The following CTXN2 variants were observed in gnomAD, a reference collection of about 807,000 sequenced individuals.
CTXN2 encodes cortexin 2.
In CTXN2, 3 loss-of-function variants were observed where a neutral mutation model predicts 5.7. The observed-to-expected ratio is 0.53, with a 90% CI of 0.24 to 1.36. The LOEUF is 1.36. Ranked by LOEUF, CTXN2 falls within the 40% of genes most tolerant of loss-of-function variation. The probability of loss-of-function intolerance (pLI) is 0.17; values close to 1 mark genes in which losing one functional copy is unlikely to be tolerated. For synonymous variants in CTXN2, 38 were observed against 36.4 expected (o/e 1.04, Z -0.16); for missense variants, 87 against 93.0 (o/e 0.94, Z 0.26).
In CTXN2 at chr15:48,191,775, C is replaced by G. The variant is rs1176662417; in HGVS notation, c.-136C>G. 2 of 456,018 alleles carry G rather than the reference C, an allele frequency of 4.4e-6. No homozygotes were observed. The highest frequency in any genetic ancestry group is 3.1e-5 in the South Asian group (2 of 64,554). The allele number at this position is 456,018 out of a possible 1,614,324, so 28.2% of individuals were successfully genotyped here. The stretch of plus-strand genomic sequence containing the variant: ...ACGCCTTCTACATTTGTTACTGAAC[C>G]GATCAGCGAACACAGACAAACGTGC... On this transcript the variant is annotated 5_prime_UTR_variant, in exon 1 of 2. Transcript: ENST00000417307.
chr15:48,188,227 A>T (rs1424963242), upstream of CTXN2, among the ~76,000 whole-genome samples: 1 of 12,620 alleles, frequency 7.9e-5, no homozygotes, highest in Admixed American at 6.3e-3. Flanking sequence ...AAGGTGATTA[A>T]AAAAAAAGAA....
rs1264177476 is a variant in CTXN2 at position 48,191,720 on chromosome 15, G to A, written c.-191G>A. ...TCTAGGCCAGGAAAGCGCTAACCAGGGCCCTGTGACTCTACGCAGGTTCCA... is the reference window on the plus strand; with the variant it reads ...TCTAGGCCAGGAAAGCGCTAACCAGAGCCCTGTGACTCTACGCAGGTTCCA... On this transcript the variant is annotated 5_prime_UTR_variant, in exon 1 of 2. Transcript: ENST00000417307. 1 of 455,954 alleles carries A rather than the reference G, an allele frequency of 2.2e-6. No homozygotes were observed. The highest frequency in any genetic ancestry group is 1.5e-5 in the South Asian group (1 of 64,544). 28.2% of individuals were successfully genotyped at this position (455,954 alleles called of 1,614,324 possible). A position where few individuals can be genotyped will look rare whatever the true frequency, so the allele number is the denominator to read the frequency against.
chr15:48,185,785 A>T (rs946387660), intron 1 of CTXN2, among the ~76,000 whole-genome samples: 1 of 152,152 alleles, frequency 6.6e-6, no homozygotes, highest in Non-Finnish European at 1.5e-5. Context: ...GCCAAGAGGA[A>T]AAAGGAGGAG....
upstream of CTXN2, chr15:48,188,968 T>A (rs1165354436): frequency 6.6e-6 from 1 of 152,204 alleles, no homozygotes; most frequent in Non-Finnish European, 1.5e-5. Flanking sequence ...TTGCCACGTA[T>A]CTCCTCGAGG....
intron 1 of CTXN2, among the ~76,000 whole-genome samples, chr15:48,184,750 G>A (rs2040731790): frequency 6.6e-6 from 1 of 152,090 alleles, no homozygotes; most frequent in African/African-American, 2.4e-5. Flanking sequence ...TTCTTACACA[G>A]CTAAATATAG....
Position 48,192,045 on chromosome 15 carries a change from C to T in CTXN2, c.-58+192C>T, listed in dbSNP as rs577830627. On this transcript the variant is annotated intron_variant, in intron 1 of 1. Transcript: ENST00000417307. ...AGTTCAAATTCTAAAGGAGAAACAG[C>T]ACCCCTAATGCTAGCGCCACTGCTG... The T allele has an allele frequency of 1.5e-3, 515 of 338,090 alleles. 2 individuals carry two copies. Among genetic ancestry groups the T allele is most frequent in the African/African-American group, 0.01 (488 of 46,546 alleles). The allele number at this position is 338,090 out of a possible 1,614,324, so 20.9% of individuals were successfully genotyped here. A position where few individuals can be genotyped will look rare whatever the true frequency, so the allele number is the denominator to read the frequency against.
Position 48,203,445 on chromosome 15 carries a change from C to T in CTXN2, c.*1899C>T, listed in dbSNP as rs2040943429. 1 of 166,992 alleles carries T rather than the reference C, an allele frequency of 6.0e-6. No individual in the cohort carries two copies. 10.3% of individuals were successfully genotyped at this position (166,992 alleles called of 1,614,324 possible). ...CTTGGCCCAAGAACAGGCCACTGGG[C>T]CAAGTTCAACTGAACATACTGAAAA... is the stretch of plus-strand genomic sequence containing the variant. On this transcript the variant is annotated 3_prime_UTR_variant, in exon 2 of 2. Coordinates refer to ENST00000417307, the MANE Select transcript of CTXN2 (RefSeq NM_001145668.2).
At position 48,202,999 on chromosome 15, in the gene CTXN2, T is replaced by C. The variant is rs1055479365; in HGVS notation, c.*1453T>C. 1 of 166,814 alleles carries C rather than the reference T, an allele frequency of 6.0e-6. No individual in the cohort carries two copies. The highest frequency in any genetic ancestry group is 2.4e-5 in the African/African-American group (1 of 41,462). The allele number at this position is 166,814 out of a possible 1,614,324, so 10.3% of individuals were successfully genotyped here. On this transcript the variant is annotated 3_prime_UTR_variant, in exon 2 of 2. Transcript: ENST00000417307. ...TAGCACTAAGTTAGTTACTTTCAAT[T>C]TATTTGATACTCTTATAAATTCTTT... is the stretch of plus-strand genomic sequence containing the variant.
chr15:48,191,133 A>C (rs2040816410), upstream of CTXN2: 1 of 152,528 alleles, frequency 6.6e-6, no homozygotes, highest in African/African-American at 2.4e-5. Flanking sequence ...AAAGAACTCC[A>C]AACGACACAT....
At chr15:48,182,541 T>G (rs1485394116) in intron 1 of CTXN2, among the ~76,000 whole-genome samples, 2 of 152,218 alleles carry the variant, frequency 1.3e-5, no homozygotes, top group East Asian at 3.8e-4. Context: ...TTTTTCATGG[T>G]GTATTGCAAA....
chr15:48,201,325 T>A lies in CTXN2; in HGVS notation c.25T>A (p.Ser9Thr). 4 of 1,551,330 alleles carry A rather than the reference T, an allele frequency of 2.6e-6. No individual in the cohort carries two copies. Among genetic ancestry groups the A allele is most frequent in the Non-Finnish European group, 3.5e-6 (4 of 1,146,686 alleles). The change falls in exon 2 of 2, where the codon TCT (serine) becomes ACT (threonine). Residue 9 changes from serine (S) to threonine (T), a missense_variant. Coordinates refer to ENST00000417307, the MANE Select transcript of CTXN2 (RefSeq NM_001145668.2). MSSTYCGN[S>T]SAKMSVNEVS... ...AATGAGTAGTACCTACTGTGGCAAC[T>A]CTTCAGCTAAGATGAGTGTCAACGA...
Position 48,202,666 on chromosome 15 carries a change from G to A in CTXN2, c.*1120G>A, listed in dbSNP as rs1052620469. ...AAAGCATTTTGTAAACCATAAAACA[G>A]TATCTAAACATACCTTGCTATCAAT... On this transcript the variant is annotated 3_prime_UTR_variant, in exon 2 of 2. Transcript: ENST00000417307. 1.2e-5 allele frequency: 2 copies of A among 166,966 alleles called. No individual in the cohort carries two copies. Among genetic ancestry groups the A allele is most frequent in the South Asian group, 2.1e-4 (1 of 4,828 alleles). 10.3% of individuals were successfully genotyped at this position (166,966 alleles called of 1,614,324 possible).
chr15:48,184,183 C>T (rs1027651361), intron 1 of CTXN2, among the ~76,000 whole-genome samples: 6 of 152,136 alleles, frequency 3.9e-5, no homozygotes, highest in Admixed American at 3.3e-4. Flanking sequence ...AAGAAGGCCC[C>T]TCCTTAGTTC....
At chr15:48,189,027 A>G (rs186928980), upstream of CTXN2, 1 of 152,322 alleles carries the variant, frequency 6.6e-6, no homozygotes, top group Non-Finnish European at 1.5e-5. Flanking sequence ...CTAGCAAAGA[A>G]AGTGGAACCT....
chr15:48,184,968 A>G, intron 1 of CTXN2, among the ~76,000 whole-genome samples: 1 of 152,214 alleles, frequency 6.6e-6, no homozygotes, highest in Non-Finnish European at 1.5e-5. Context: ...TGAACAATAA[A>G]AAATAAATGA....
chr15:48,191,724 C>A lies in CTXN2; in HGVS notation c.-187C>A, dbSNP rs1323212304. 6.6e-6 allele frequency: 3 copies of A among 456,062 alleles called. No homozygotes were observed. The East Asian group carries it at 2.1e-4, about 32-fold the overall frequency. The allele number at this position is 456,062 out of a possible 1,614,324, so 28.3% of individuals were successfully genotyped here. A position where few individuals can be genotyped will look rare whatever the true frequency, so the allele number is the denominator to read the frequency against. On this transcript the variant is annotated 5_prime_UTR_variant, in exon 1 of 2. It adds an upstream start codon to the 5' untranslated region. Transcript: ENST00000417307. ...GGCCAGGAAAGCGCTAACCAGGGCC[C>A]TGTGACTCTACGCAGGTTCCAGAAC...
intron 1 of CTXN2, among the ~76,000 whole-genome samples, chr15:48,186,250 A>G (rs1388202209): frequency 3.3e-5 from 5 of 152,238 alleles, no homozygotes. Flanking sequence ...TTTAAATAGA[A>G]CACTCTGAAC....
At chr15:48,196,040 C>T (rs2040876207) in intron 1 of CTXN2, among the ~76,000 whole-genome samples, 1 of 152,082 alleles carries the variant, frequency 6.6e-6, no homozygotes, top group African/African-American at 2.4e-5. Context: ...TGCAGTGTTA[C>T]TTTATATGTG....
chr15:48,186,902 T>G (rs1463684827), upstream of CTXN2, among the ~76,000 whole-genome samples: 1 of 121,582 alleles, frequency 8.2e-6, no homozygotes, highest in Non-Finnish European at 1.6e-5. Flanking sequence ...AGAGGGAGAC[T>G]CCATCTCAAA....
Sources: allele counts gnomAD v4.1 joint callset (sites outside exome capture counted in the v4.1 genomes callset), GRCh38; gene constraint gnomAD v4.1.1; transcripts MANE v1.5; gene names NCBI Gene and HGNC (gene_info 2026-07-23, HGNC 2026-07-21).